The following LPP variants were observed in gnomAD, a reference collection of about 807,000 sequenced individuals.
LPP encodes LIM domain containing preferred translocation partner in lipoma.
LPP carries 38 observed loss-of-function variants against 60.4 expected under a neutral mutation model. That is an observed-to-expected ratio of 0.63 (90% CI 0.49 to 0.83). The LOEUF (loss-of-function observed/expected upper bound fraction) is 0.83. LPP is among the 40% of genes least tolerant of loss of function. LPP has a pLI of 0.00. For missense variants in LPP, 902 were observed against 783.6 expected (o/e 1.15, Z -1.80); for synonymous variants, 328 against 290.8 (o/e 1.13, Z -1.30).
chr3:188,592,546 G>GTTTTTTTTTTTTTTTT (rs1553936323), intron 6 of LPP, among the ~76,000 whole-genome samples: 2 of 98,376 alleles, frequency 2.0e-5, no homozygotes, highest in African/African-American at 3.4e-5. Context: ...ACTGTTTTTA[G>GTTTTTTTTTTTTTTTT]TTTTGTTTTT....
At chr3:188,389,514 G>C (rs1185113411) in intron 3 of LPP, among the ~76,000 whole-genome samples, 1 of 152,106 alleles carries the variant, frequency 6.6e-6, no homozygotes, top group Non-Finnish European at 1.5e-5. Context: ...GGTGGCTCAC[G>C]TCTGTAATCC....
chr3:188,293,196 T>TA (rs1186639683), intron 2 of LPP, among the ~76,000 whole-genome samples: 2 of 152,232 alleles, frequency 1.3e-5, no homozygotes, highest in Non-Finnish European at 2.9e-5. Context: ...CAGCACATTA[T>TA]AGGTATTTAT....
intron 9 of LPP, among the ~76,000 whole-genome samples, chr3:188,856,752 G>A (rs1237036669): frequency 6.6e-6 from 1 of 152,128 alleles, no homozygotes. Flanking sequence ...TTGGTTAATA[G>A]CCTCTATTTA....
At chr3:188,455,445 G>A (rs1214735451) in intron 4 of LPP, among the ~76,000 whole-genome samples, 2 of 152,184 alleles carry the variant, frequency 1.3e-5, no homozygotes, top group East Asian at 1.9e-4. Context: ...TTTAATTAAT[G>A]TTTGGAGTGA....
chr3:188,160,669 C>T (rs138534481), intron 1 of LPP, among the ~76,000 whole-genome samples: 1 of 152,230 alleles, frequency 6.6e-6, no homozygotes, highest in Non-Finnish European at 1.5e-5. Context: ...TATCTGTGAT[C>T]AGATACAACT....
intron 2 of LPP, among the ~76,000 whole-genome samples, chr3:188,242,802 T>C (rs1207824685): frequency 2.0e-5 from 3 of 152,188 alleles, no homozygotes; most frequent in Non-Finnish European, 4.4e-5. Flanking sequence ...TTCTCCTTAG[T>C]TTGTAGGGGA....
At chr3:188,707,427 C>G (rs1865703434) in intron 7 of LPP, among the ~76,000 whole-genome samples, 1 of 152,018 alleles carries the variant, frequency 6.6e-6, no homozygotes, top group South Asian at 2.1e-4. Flanking sequence ...CGCGCCAAAG[C>G]CCCAAAGTCC....
chr3:188,709,862 G>A (rs1866259529), intron 8 of LPP: 1 of 152,116 alleles, frequency 6.6e-6, no homozygotes, highest in South Asian at 2.1e-4. Context: ...AAAATAAAAT[G>A]GAAGATGAAA....
At chr3:188,398,995 C>T (rs1429696052) in intron 3 of LPP, among the ~76,000 whole-genome samples, 1 of 152,188 alleles carries the variant, frequency 6.6e-6, no homozygotes, top group African/African-American at 2.4e-5. Context: ...AGGAGAATCA[C>T]GGGTGATATC....
At chr3:188,585,715 G>A (rs927147102) in intron 6 of LPP, among the ~76,000 whole-genome samples, 2 of 152,180 alleles carry the variant, frequency 1.3e-5, no homozygotes, top group African/African-American at 2.4e-5. Context: ...ATTTATACAG[G>A]TATTTCATAA....
At chr3:188,434,668 A>T (rs1335109296) in intron 4 of LPP, among the ~76,000 whole-genome samples, 1 of 152,186 alleles carries the variant, frequency 6.6e-6, no homozygotes, top group Non-Finnish European at 1.5e-5. Flanking sequence ...TTCCCCCTGG[A>T]CTATCTTCAG....
chr3:188,257,002 C>T (rs1731890336), intron 2 of LPP, among the ~76,000 whole-genome samples: 1 of 152,006 alleles, frequency 6.6e-6, no homozygotes, highest in African/African-American at 2.4e-5. Context: ...AGTGTGATAC[C>T]ATTAGGGAGA....
chr3:188,184,908 C>T (rs996200246), intron 1 of LPP, among the ~76,000 whole-genome samples: 2 of 151,850 alleles, frequency 1.3e-5, no homozygotes, highest in Non-Finnish European at 2.9e-5. Flanking sequence ...ACCTAGGTTT[C>T]GAAAGGCTCC....
Position 188,610,694 on chromosome 3 carries a change from C to T in LPP, c.1113+850C>T, listed in dbSNP as rs774220103. Among the ~76,000 whole-genome samples the T allele has an allele frequency of 2.6e-4, 39 of 152,184 alleles. 1 individual carries two copies. Among genetic ancestry groups the T allele is most frequent in the South Asian group, 2.1e-4 (1 of 4,826 alleles). ...TGAATAGGTAAGGTGTAATACTACA[C>T]ATGCCCACTCACCACAACTTGGATT... On this transcript the variant is annotated intron_variant, in intron 7 of 11. Coordinates refer to ENST00000617246, the MANE Select transcript of LPP (RefSeq NM_001375462.1). This position sits in a 1 kb window ranked among gnomAD's most constrained non-coding sequence, Gnocchi z 4.4.
In LPP at chr3:188,765,861, C is replaced by CTTTTTTTTTTTTTTTTTTT. The variant is rs71169019; in HGVS notation, c.1410+5587_1410+5605dup. Among the ~76,000 whole-genome samples, 8 of 92,618 alleles carry CTTTTTTTTTTTTTTTTTTT rather than the reference C, an allele frequency of 8.6e-5. 2 individuals carry two copies. Among genetic ancestry groups the CTTTTTTTTTTTTTTTTTTT allele is most frequent in the African/African-American group, 8.7e-5 (2 of 22,998 alleles). 60.8% of individuals were successfully genotyped at this position (92,618 alleles called of 152,430 possible). A position where few individuals can be genotyped will look rare whatever the true frequency, so the allele number is the denominator to read the frequency against. On this transcript the variant is annotated intron_variant, in intron 9 of 11. Coordinates refer to ENST00000617246, the MANE Select transcript of LPP (RefSeq NM_001375462.1). ...GCAACGTGCAACTTAATGTTCAACT[C>CTTTTTTTTTTTTTTTTTTT]TTTTTTTTTTTTTTTTTTTTTTTTT... is the stretch of plus-strand genomic sequence containing the variant.
rs1478341003 is a variant in LPP, at chr3:188,394,549, A to T, written c.-9-11563A>T. ...CTTTGCTACTTCTTTAAAAATATCT[A>T]AAGTGTGTGTGTGTGTGTGTGTGTG... On this transcript the variant is annotated intron_variant, in intron 3 of 11. Coordinates refer to ENST00000617246, the MANE Select transcript of LPP (RefSeq NM_001375462.1). Among the ~76,000 whole-genome samples, 4 of 56,400 alleles carry T rather than the reference A, an allele frequency of 7.1e-5. No individual in the cohort carries two copies. In the East Asian group the frequency reaches 2.9e-3, roughly 41 times the overall value. 37.0% of individuals were successfully genotyped at this position (56,400 alleles called of 152,430 possible).
rs1176396219 is a variant in LPP, at chr3:188,593,488, G to A, written c.430-15673G>A. Among the ~76,000 whole-genome samples the A allele has an allele frequency of 1.1e-4, 17 of 151,936 alleles. 1 individual carries two copies. Among genetic ancestry groups the A allele is most frequent in the African/African-American group, 2.7e-4 (11 of 41,406 alleles). On this transcript the variant is annotated intron_variant, in intron 6 of 11. Transcript: ENST00000617246. ...AGTTATTGGGGTATAGGTGGTATTT[G>A]GTTACATTAGTAAGTTCTTTAACGG...
At position 188,453,654 on chromosome 3, in the gene LPP, C is replaced by T. The variant is rs149097264; in HGVS notation, c.194-30938C>T. On this transcript the variant is annotated intron_variant, in intron 4 of 11. Transcript: ENST00000617246. ...CTTTGCTTGAATGGTTCTCTCAGTCCAGAATACATTTTAAATATTTCTACT... is the reference window on the plus strand; with the variant it reads ...CTTTGCTTGAATGGTTCTCTCAGTCTAGAATACATTTTAAATATTTCTACT... 9.0e-4 allele frequency among the ~76,000 whole-genome samples: 137 copies of T among 152,038 alleles called. 1 individual carries two copies. Among genetic ancestry groups the T allele is most frequent in the Admixed American group, 3.0e-3 (46 of 15,250 alleles).
chr3:188,156,305 G>A (rs1333539837), intron 1 of LPP, among the ~76,000 whole-genome samples: 1 of 152,162 alleles, frequency 6.6e-6, no homozygotes, highest in Non-Finnish European at 1.5e-5. Flanking sequence ...TGGGACTTGA[G>A]TAGGATCTTT....
Sources: allele counts gnomAD v4.1 joint callset (sites outside exome capture counted in the v4.1 genomes callset), GRCh38; gene constraint gnomAD v4.1.1; non-coding constraint Gnocchi (gnomAD v3.1); transcripts MANE v1.5; gene names NCBI Gene and HGNC (gene_info 2026-07-23, HGNC 2026-07-21).